Variants in CMSS1 observed in about 807,000 individuals in gnomAD.
The protein encoded by CMSS1 is protein CMSS1.
CMSS1 carries 33 observed loss-of-function variants against 43.5 expected under a neutral mutation model. That is an observed-to-expected ratio of 0.76 (90% CI 0.57 to 1.01). The LOEUF (loss-of-function observed/expected upper bound fraction) is 1.01. CMSS1 is among the 50% of genes least tolerant of loss of function. CMSS1 has a pLI of 0.00. For missense variants in CMSS1, 313 were observed against 326.4 expected, an observed-to-expected ratio of 0.96 and a Z score of 0.32; for synonymous variants, 115 against 117.2, an observed-to-expected ratio of 0.98 and a Z score of 0.12.
At chr3:100,114,992 C>A in intron 1 of CMSS1, 1 of 1,521,068 alleles carries the variant, frequency 6.6e-7, no homozygotes, top group Non-Finnish European at 8.8e-7. Context: ...CATCGGAATG[C>A]ATGGTGGTAT....
chr3:99,906,253 G>A (rs1454925616), intron 1 of CMSS1, among the ~76,000 whole-genome samples: 1 of 152,132 alleles, frequency 6.6e-6, no homozygotes, highest in African/African-American at 2.4e-5. Flanking sequence ...CTCCCTCGTT[G>A]TAAATTTAAT....
chr3:100,045,789 T>C (rs192491621), intron 1 of CMSS1, among the ~76,000 whole-genome samples: 3 of 152,364 alleles, frequency 2.0e-5, no homozygotes, highest in Admixed American at 1.3e-4. Context: ...CAGAAAGCTG[T>C]AACACATTGC....
intron 1 of CMSS1, chr3:99,848,807 C>T: frequency 2.5e-6 from 4 of 1,614,104 alleles, no homozygotes; most frequent in Non-Finnish European, 3.4e-6. Flanking sequence ...TTGGACTTTA[C>T]TGGTGTTATG....
intron 1 of CMSS1, among the ~76,000 whole-genome samples, chr3:99,969,453 T>TC (rs1708750473): frequency 6.6e-6 from 1 of 152,022 alleles, no homozygotes. Flanking sequence ...GAAAGCTGAC[T>TC]TTTTTTTCCA....
At chr3:100,057,871 G>A (rs1238580380) in intron 1 of CMSS1, among the ~76,000 whole-genome samples, 5 of 152,124 alleles carry the variant, frequency 3.3e-5, no homozygotes, top group South Asian at 2.1e-4. Flanking sequence ...ATACAATGCC[G>A]GTCCAACTTC....
At chr3:100,048,761 A>G (rs532633349) in intron 1 of CMSS1, among the ~76,000 whole-genome samples, 1 of 152,296 alleles carries the variant, frequency 6.6e-6, no homozygotes, top group Non-Finnish European at 1.5e-5. Flanking sequence ...CTGGGATTCC[A>G]GATTTTCCTA....
intron 1 of CMSS1, among the ~76,000 whole-genome samples, chr3:99,889,516 A>G (rs1706017562): frequency 6.6e-6 from 1 of 152,044 alleles, no homozygotes; most frequent in Non-Finnish European, 1.5e-5. Context: ...AATTGTTAAA[A>G]TTGCTTTAAT....
intron 4 of CMSS1, among the ~76,000 whole-genome samples, chr3:100,162,654 G>T (rs1057342015): frequency 3.9e-5 from 6 of 151,962 alleles, no homozygotes; most frequent in South Asian, 2.1e-4. Flanking sequence ...TTAAAAATAA[G>T]AATAATAATA....
chr3:99,872,233 C>G (rs1004315566), intron 1 of CMSS1, among the ~76,000 whole-genome samples: 6 of 147,658 alleles, frequency 4.1e-5, no homozygotes, highest in African/African-American at 1.5e-4. Context: ...ATTGCCCCTT[C>G]CAGCTGTAAA....
At chr3:100,047,305 GA>G (rs2065293185) in intron 1 of CMSS1, among the ~76,000 whole-genome samples, 1 of 152,200 alleles carries the variant, frequency 6.6e-6, no homozygotes, top group East Asian at 1.9e-4. Flanking sequence ...ATTCCTTGAA[GA>G]AAAGGTGCTT....
At chr3:99,938,726 G>A (rs1707767970) in intron 1 of CMSS1, among the ~76,000 whole-genome samples, 1 of 152,148 alleles carries the variant, frequency 6.6e-6, no homozygotes, top group Non-Finnish European at 1.5e-5. Flanking sequence ...TATGAAAATA[G>A]TGGCTATAAA....
chr3:100,067,166 C>CATTT (rs10662415), intron 1 of CMSS1, among the ~76,000 whole-genome samples: 1 of 150,866 alleles, frequency 6.6e-6, no homozygotes, highest in Non-Finnish European at 1.5e-5. Flanking sequence ...TTTTTGATCT[C>CATTT]GTTTGTTTGT....
chr3:100,043,821 AATCT>A lies in CMSS1; in HGVS notation c.65-103148_65-103145del, dbSNP rs769936002. ...ATTTTATTGTGACAAGAACATTAAA[AATCT>A]ATCCTTTTAGCAATTTTGAAATATG... On this transcript the variant is annotated intron_variant, in intron 1 of 9. Coordinates refer to ENST00000421999, the MANE Select transcript of CMSS1 (RefSeq NM_032359.4). Among the ~76,000 whole-genome samples the A allele has an allele frequency of 3.3e-5, 5 of 152,348 alleles. No homozygotes were observed. In the South Asian group the frequency reaches 1.0e-3, roughly 32 times the overall value.
rs1180020116 is a variant in CMSS1, at chr3:99,982,135, AAAAC to A, written c.64+164095_64+164098del. On this transcript the variant is annotated intron_variant, in intron 1 of 9. Transcript: ENST00000421999. ...AATGTTATAATTAGTTTAAAAAACT[AAAAC>A]AATATAAGTGCTATATATTTCGGTA... 4.6e-5 allele frequency among the ~76,000 whole-genome samples: 7 copies of A among 152,212 alleles called. No homozygotes were observed. In the East Asian group the frequency reaches 1.3e-3, roughly 29 times the overall value.
At chr3:100,166,205 G>T (rs979835395) in intron 4 of CMSS1, 130 bp from the exon 5 acceptor site, 4 of 598,850 alleles carry the variant, frequency 6.7e-6, no homozygotes, top group Non-Finnish European at 1.2e-5. Flanking sequence ...AACACTTTAA[G>T]ATATAAAATG....
intron 1 of CMSS1, chr3:99,851,174 T>A (rs949911546): frequency 9.5e-6 from 9 of 948,784 alleles, no homozygotes; most frequent in Non-Finnish European, 1.4e-5. Flanking sequence ...TTATATGAGC[T>A]GTGTCAGTTC....
At chr3:99,887,146 G>A (rs1705927388) in intron 1 of CMSS1, among the ~76,000 whole-genome samples, 1 of 151,872 alleles carries the variant, frequency 6.6e-6, no homozygotes, top group Non-Finnish European at 1.5e-5. Flanking sequence ...TGGCGTGCCT[G>A]TAATCCCAGC....
intron 1 of CMSS1, among the ~76,000 whole-genome samples, chr3:99,966,562 C>T (rs1708658609): frequency 6.6e-6 from 1 of 152,200 alleles, no homozygotes; most frequent in Admixed American, 6.5e-5. Context: ...ACTTTATAAA[C>T]ATTCAACAAG....
At chr3:99,961,803 A>C (rs890653761) in intron 1 of CMSS1, among the ~76,000 whole-genome samples, 1 of 152,164 alleles carries the variant, frequency 6.6e-6, no homozygotes, top group Non-Finnish European at 1.5e-5. Flanking sequence ...GATGTCAAAC[A>C]TCTTTAGGTC....
Sources: gnomAD v4.1 joint callset for allele counts (sites outside exome capture counted in the v4.1 genomes callset) on GRCh38, gnomAD v4.1.1 for gene constraint, MANE v1.5 for transcripts, NCBI Gene and HGNC (gene_info 2026-07-23, HGNC 2026-07-21) for gene names.